CLCA2: variants seen among roughly 807,000 people sequenced by gnomAD.
The protein encoded by CLCA2 is calcium-activated chloride channel regulator 2.
CLCA2 carries 85 observed loss-of-function variants against 82.9 expected under a neutral mutation model. That is an observed-to-expected ratio of 1.03 (90% CI 0.86 to 1.23). CLCA2 has a LOEUF of 1.23. Among genes scored for constraint, CLCA2 ranks in the 50% most tolerant of loss-of-function variants. The probability of loss-of-function intolerance (pLI) is 0.00; values close to 1 mark genes in which losing one functional copy is unlikely to be tolerated. For synonymous variants in CLCA2, 421 were observed against 391.7 expected, an observed-to-expected ratio of 1.07 and a Z score of -0.88; for missense variants, 1,089 against 1,124.8, an observed-to-expected ratio of 0.97 and a Z score of 0.45.
Position 86,450,727 on chromosome 1 carries a change from G to A in CLCA2, c.2149G>A (p.Ala717Thr). Residue 717 changes from alanine to threonine, a missense_variant, in exon 12 of 14, where the codon GCA (alanine) becomes ACA (threonine). By Grantham distance (58) the Ala-to-Thr change is moderately conservative. Coordinates refer to ENST00000370565, the MANE Select transcript of CLCA2 (RefSeq NM_006536.7). ...SHAMYVPGYT[A>T]NGNIQMNAPR... Reference sequence around the variant, plus strand: ...TGCTATGTATGTACCAGGTTACACAGCAAACGGTAAGAACCATTAGCACTG... The same window carrying A: ...TGCTATGTATGTACCAGGTTACACAACAAACGGTAAGAACCATTAGCACTG... The A allele has an allele frequency of 6.3e-7, 1 of 1,599,428 alleles. No homozygotes were observed. Among genetic ancestry groups the A allele is most frequent in the South Asian group, 1.1e-5 (1 of 87,534 alleles).
chr1:86,438,299 T>G (rs1174683831), intron 6 of CLCA2, among the ~76,000 whole-genome samples: 1 of 152,250 alleles, frequency 6.6e-6, no homozygotes, highest in Non-Finnish European at 1.5e-5. Context: ...ACTTTACACC[T>G]GGTTAGCCCT....
Position 86,454,883 on chromosome 1 carries a change from C to T in CLCA2, c.2390-202C>T, listed in dbSNP as rs1468951543. Among the ~76,000 whole-genome samples, 5 of 114,878 alleles carry T rather than the reference C, an allele frequency of 4.4e-5. No homozygotes were observed. The East Asian group carries it at 1.0e-3, about 23-fold the overall frequency. The allele number at this position is 114,878 out of a possible 152,430, so 75.4% of individuals were successfully genotyped here. On this transcript the variant is annotated intron_variant, in intron 13 of 13. Transcript: ENST00000370565. ...ATAACATATTTTGTGTTGAATCTTG[C>T]TTTTCAAAAAAAAAAAAAATCCTTG...
At chr1:86,452,973 G>A (rs1034892140) in intron 12 of CLCA2, among the ~76,000 whole-genome samples, 3 of 152,120 alleles carry the variant, frequency 2.0e-5, no homozygotes, top group Non-Finnish European at 2.9e-5. Flanking sequence ...AGGAGTTCGA[G>A]ACCAGCCTAG....
intron 10 of CLCA2, 136 bp downstream of exon 10, chr1:86,444,147 C>A (rs989720183): frequency 8.9e-5 from 55 of 618,324 alleles, no homozygotes; most frequent in Non-Finnish European, 1.4e-4. Flanking sequence ...ATTTATGAGG[C>A]CATTTTGTGA....
intron 6 of CLCA2, among the ~76,000 whole-genome samples, chr1:86,438,300 G>C (rs1002412722): frequency 6.6e-6 from 1 of 152,102 alleles, no homozygotes; most frequent in Non-Finnish European, 1.5e-5. Flanking sequence ...CTTTACACCT[G>C]GTTAGCCCTT....
intron 2 of CLCA2, among the ~76,000 whole-genome samples, chr1:86,426,872 C>T (rs1458178222): frequency 6.6e-6 from 1 of 152,054 alleles, no homozygotes; most frequent in African/African-American, 2.4e-5. Flanking sequence ...AACACCAAAA[C>T]CAGGTTGCCA....
chr1:86,432,938 T>C (rs185185542), intron 5 of CLCA2, among the ~76,000 whole-genome samples: 31 of 152,348 alleles, frequency 2.0e-4, no homozygotes, highest in African/African-American at 7.2e-4. Flanking sequence ...TTGAATAGTC[T>C]AGAACTTAAC....
At chr1:86,452,176 CTTTTTTT>C (rs753484167) in intron 12 of CLCA2, among the ~76,000 whole-genome samples, 3 of 43,936 alleles carry the variant, frequency 6.8e-5, no homozygotes, top group South Asian at 1.5e-3. Context: ...AACCTGGAAG[CTTTTTTT>C]TTTTTTTTTT....
intron 10 of CLCA2, chr1:86,445,585 G>A (rs1470485745): frequency 6.6e-6 from 1 of 151,134 alleles, no homozygotes; most frequent in Non-Finnish European, 1.5e-5. Flanking sequence ...TTTTTTAAGG[G>A]GATTGGACAC....
intron 6 of CLCA2, among the ~76,000 whole-genome samples, chr1:86,437,375 T>C (rs2070096439): frequency 6.6e-6 from 1 of 151,520 alleles, no homozygotes; most frequent in African/African-American, 2.4e-5. Context: ...TCCACAGAGA[T>C]GTGAGTTACT....
At chr1:86,455,052 C>A in intron 13 of CLCA2, 33 bp from the exon 14 acceptor site, 1 of 1,283,116 alleles carries the variant, frequency 7.8e-7, no homozygotes, top group South Asian at 1.6e-5. Context: ...CTCAAAGTGA[C>A]TTAATTTTCC....
At chr1:86,454,477 G>T (rs1010496882) in intron 13 of CLCA2, among the ~76,000 whole-genome samples, 9 of 152,134 alleles carry the variant, frequency 5.9e-5, no homozygotes, top group African/African-American at 2.2e-4. Flanking sequence ...AGATAAAGCA[G>T]AAATGAGGCA....
Position 86,434,700 on chromosome 1 carries a change from C to CA in CLCA2, c.930dup (p.Val311SerfsTer16). 1 of 1,614,092 alleles carries CA rather than the reference C, an allele frequency of 6.2e-7. No homozygotes were observed. Reference sequence around the variant, plus strand: ...CATTCTCGCTTGTACAGGCTGGTGACAAAGTGGTCTGTTTAGTGCTGGATG... The same window carrying CA: ...CATTCTCGCTTGTACAGGCTGGTGACAAAAGTGGTCTGTTTAGTGCTGGATG... On this transcript the variant is annotated frameshift_variant, in exon 6 of 14. Transcript: ENST00000370565. LOFTEE classifies it high-confidence loss of function.
chr1:86,429,827 A>G (rs1662459436), intron 3 of CLCA2, among the ~76,000 whole-genome samples: 2 of 152,120 alleles, frequency 1.3e-5, no homozygotes, highest in Non-Finnish European at 2.9e-5. Context: ...GGAGTGAAAC[A>G]CTCCATAAAA....
Position 86,430,977 on chromosome 1 carries a change from A to G in CLCA2, c.584+7A>G. The G allele has an allele frequency of 6.4e-7, 1 of 1,571,026 alleles. No individual in the cohort carries two copies. Among genetic ancestry groups the G allele is most frequent in the Non-Finnish European group, 8.7e-7 (1 of 1,144,414 alleles). On this transcript the variant is annotated splice_region_variant and intron_variant, in intron 4 of 13. Transcript: ENST00000370565. ...ATCAAATTAAAGTGACAAGGTTAGTACTTTTTTTCATGTTATAATTCATTA... is the reference window on the plus strand; with the variant it reads ...ATCAAATTAAAGTGACAAGGTTAGTGCTTTTTTTCATGTTATAATTCATTA...
intron 12 of CLCA2, 105 bp downstream of exon 12, chr1:86,450,838 T>C: frequency 9.8e-7 from 1 of 1,020,962 alleles, no homozygotes; most frequent in Non-Finnish European, 1.4e-6. Context: ...AGAGAGAATT[T>C]CAAAACTCTT....
At chr1:86,453,745 C>T in intron 13 of CLCA2, 143 bp downstream of exon 13, 1 of 743,312 alleles carries the variant, frequency 1.3e-6, no homozygotes, top group Non-Finnish European at 2.1e-6. Flanking sequence ...TCCTGGAGTC[C>T]CAGAAGGACA....
chr1:86,446,817 T>C (rs1338256816), intron 10 of CLCA2, among the ~76,000 whole-genome samples: 2 of 152,246 alleles, frequency 1.3e-5, no homozygotes, highest in Admixed American at 1.3e-4. Flanking sequence ...TTCTGCTATA[T>C]TGTAATTTTA....
In CLCA2 at chr1:86,424,377, C is replaced by G. The variant is rs960943861; in HGVS notation, c.130C>G (p.Leu44Val). ...QLQDNGYNGL[L>V]IAINPQVPEN... is the part of the protein sequence containing the mutation. ...TCAAGACAATGGGTATAATGGATTGCTCATTGCAATTAATCCTCAGGTACC... is the reference window on the plus strand; with the variant it reads ...TCAAGACAATGGGTATAATGGATTGGTCATTGCAATTAATCCTCAGGTACC... Residue 44 changes from leucine to valine, a missense_variant, in exon 1 of 14, where the codon CTC (leucine) becomes GTC (valine). Transcript: ENST00000370565. The G allele has an allele frequency of 2.5e-6, 4 of 1,613,080 alleles. No individual in the cohort carries two copies. Among genetic ancestry groups the G allele is most frequent in the African/African-American group, 1.3e-5 (1 of 74,848 alleles).
Sources: allele counts gnomAD v4.1 joint callset (sites outside exome capture counted in the v4.1 genomes callset), GRCh38; gene constraint gnomAD v4.1.1; transcripts MANE v1.5; gene names NCBI Gene and HGNC (gene_info 2026-07-23, HGNC 2026-07-21).